TBC1D19: variants seen among roughly 807,000 people sequenced by gnomAD.
TBC1D19 encodes TBC1 domain family, member 19.
In TBC1D19, 60 loss-of-function variants were observed where a neutral mutation model predicts 89.0. The observed-to-expected ratio is 0.67, with a 90% CI of 0.55 to 0.84. The LOEUF is 0.84. Among genes scored for constraint, TBC1D19 ranks in the 40% least tolerant of loss-of-function variants. TBC1D19 has a pLI of 0.00. For missense variants in TBC1D19, 500 were observed against 610.8 expected (o/e 0.82, Z 1.91); for synonymous variants, 189 against 199.7 (o/e 0.95, Z 0.45).
chr4:26,742,472 A>G, intron 17 of TBC1D19, 36 bp from the exon 18 acceptor site: 1 of 1,472,292 alleles, frequency 6.8e-7, no homozygotes, highest in Middle Eastern at 1.8e-4. Context: ...AAATATTAAA[A>G]TATCTATTTC....
At chr4:26,774,207 A>T in the TBC1D19 span, among the ~76,000 whole-genome samples, 2 of 152,326 alleles carry the variant, frequency 1.3e-5, no homozygotes, top group African/African-American at 4.8e-5. Context: ...GGGAAAATAA[A>T]GGGAGGTGGC....
At position 26,737,828 on chromosome 4, in the gene TBC1D19, A is replaced by G. The variant is rs1650200532; in HGVS notation, c.1118-2036A>G. Among the ~76,000 whole-genome samples, 7 of 152,204 alleles carry G rather than the reference A, an allele frequency of 4.6e-5. No homozygotes were observed. The South Asian group carries it at 1.5e-3, about 32-fold the overall frequency. ...ATACTTATCTCTTTTAAACATTGAT[A>G]CAGATCTTTAATGATAGGCTGTCAT... On this transcript the variant is annotated intron_variant, in intron 16 of 20. Transcript: ENST00000264866.
chr4:26,672,264 C>G (rs1712383188), intron 10 of TBC1D19, 77 bp downstream of exon 10: 1 of 1,152,734 alleles, frequency 8.7e-7, no homozygotes, highest in African/African-American at 1.7e-5. Flanking sequence ...CAGATAACCT[C>G]CAGGTGAAAT....
chr4:26,650,684 G>C (rs1474637984), intron 7 of TBC1D19, among the ~76,000 whole-genome samples: 4 of 152,158 alleles, frequency 2.6e-5, no homozygotes, highest in African/African-American at 9.7e-5. Flanking sequence ...TCTGATGGTA[G>C]TTTCTTTTGC....
chr4:26,733,176 C>T (rs75825617), intron 15 of TBC1D19, among the ~76,000 whole-genome samples: 2,626 of 152,274 alleles, frequency 0.017, 65 homozygotes, highest in African/African-American at 0.058. Flanking sequence ...GGCATACCAG[C>T]TCAGAATAAT....
the TBC1D19 span, among the ~76,000 whole-genome samples, chr4:26,797,295 G>A: frequency 0.03 from 4,507 of 151,880 alleles, 228 homozygotes; most frequent in African/African-American, 0.1. Context: ...CTCAATCCCC[G>A]CAGTGGCCAC....
chr4:26,596,945 CTGAT>C (rs1740261705), intron 1 of TBC1D19, among the ~76,000 whole-genome samples: 1 of 152,078 alleles, frequency 6.6e-6, no homozygotes, highest in Non-Finnish European at 1.5e-5. Context: ...GCTTGCTTTG[CTGAT>C]TTGCTTGATT....
chr4:26,579,079 A>G (rs758069831), intron 1 of TBC1D19, among the ~76,000 whole-genome samples: 1 of 152,202 alleles, frequency 6.6e-6, no homozygotes. Context: ...AGCAAATGCC[A>G]CCTAGATAAG....
chr4:26,690,374 A>G (rs367702864), intron 13 of TBC1D19, among the ~76,000 whole-genome samples: 2 of 152,256 alleles, frequency 1.3e-5, no homozygotes, highest in East Asian at 1.9e-4. Flanking sequence ...AGGTGGCTAC[A>G]CTAAACAACA....
intron 13 of TBC1D19, among the ~76,000 whole-genome samples, chr4:26,714,122 G>T (rs1475087983): frequency 6.6e-6 from 1 of 152,074 alleles, no homozygotes; most frequent in East Asian, 1.9e-4. Context: ...GAGGCAGGAG[G>T]ATTACTTGAG....
At chr4:26,821,841 G>A in the TBC1D19 span, among the ~76,000 whole-genome samples, 2 of 152,224 alleles carry the variant, frequency 1.3e-5, no homozygotes, top group Admixed American at 6.5e-5. Flanking sequence ...CTGGTGGCCA[G>A]GCGGACCACT....
At chr4:26,649,449 A>G (rs1744183750) in intron 7 of TBC1D19, among the ~76,000 whole-genome samples, 1 of 152,188 alleles carries the variant, frequency 6.6e-6, no homozygotes, top group African/African-American at 2.4e-5. Flanking sequence ...ATTGTGCAAC[A>G]TCACCACATT....
intron 15 of TBC1D19, among the ~76,000 whole-genome samples, chr4:26,735,038 A>G (rs536947101): frequency 8.6e-5 from 13 of 151,354 alleles, no homozygotes; most frequent in Non-Finnish European, 1.5e-4. Flanking sequence ...ATATATGTAT[A>G]TGTGTACACA....
chr4:26,812,217 G>A, the TBC1D19 span, among the ~76,000 whole-genome samples: 1 of 152,150 alleles, frequency 6.6e-6, no homozygotes, highest in Non-Finnish European at 1.5e-5. The surrounding 1 kb of genome is among the most constrained non-coding windows in gnomAD (Gnocchi z 4.2). Context: ...TAGCCACCTA[G>A]ACTTGGTCCC....
chr4:26,716,041 A>G (rs1716581676), intron 13 of TBC1D19, among the ~76,000 whole-genome samples: 1 of 151,714 alleles, frequency 6.6e-6, no homozygotes, highest in African/African-American at 2.4e-5. Flanking sequence ...AGTGTCACCC[A>G]CTCTTTCTCT....
the TBC1D19 span, among the ~76,000 whole-genome samples, chr4:26,803,726 C>T: frequency 1.3e-5 from 2 of 152,088 alleles, no homozygotes; most frequent in Non-Finnish European, 2.9e-5. Context: ...ACAGATGCAA[C>T]AGATTAGAGA....
At chr4:26,849,786 C>A in the TBC1D19 span, among the ~76,000 whole-genome samples, 1 of 152,212 alleles carries the variant, frequency 6.6e-6, no homozygotes, top group African/African-American at 2.4e-5. Flanking sequence ...ATTATGCCAA[C>A]TTTAAATCCT....
Position 26,637,227 on chromosome 4 carries a change from G to T in TBC1D19, c.311G>T (p.Arg104Ile). The part of the protein sequence containing the change: ...MRKAQGSWEK[R>I]ILKSLNSMCT... The stretch of plus-strand genomic sequence containing the variant: ...ATGTTTCAGGGAAGTTGGGAAAAAA[G>T]AATTTTGAAGAGTTTAAATAGTATG... Residue 104 changes from arginine (R) to isoleucine (I), a missense_variant, in exon 5 of 21, where the codon AGA (arginine) becomes ATA (isoleucine). Arg to Ile is a moderately conservative substitution (Grantham distance 97, BLOSUM62 -3). Around this residue, in one of 2 missense-constraint regions of TBC1D19, gnomAD observed 280 missense variants for 291.7 expected, o/e 0.96. Coordinates refer to ENST00000264866, the MANE Select transcript of TBC1D19 (RefSeq NM_018317.4). The T allele has an allele frequency of 1.2e-6, 2 of 1,606,954 alleles. No homozygotes were observed. Among genetic ancestry groups the T allele is most frequent in the Non-Finnish European group, 1.7e-6 (2 of 1,176,358 alleles).
chr4:26,610,276 GT>G (rs1741281737), intron 1 of TBC1D19, among the ~76,000 whole-genome samples: 1 of 151,980 alleles, frequency 6.6e-6, no homozygotes, highest in Admixed American at 6.6e-5. Flanking sequence ...TTGTTATGGG[GT>G]GAAGGACTTT....
Sources: allele counts gnomAD v4.1 joint callset (sites outside exome capture counted in the v4.1 genomes callset), GRCh38; gene constraint gnomAD v4.1.1; regional missense constraint gnomAD v4.1.1; non-coding constraint Gnocchi (gnomAD v3.1); transcripts MANE v1.5; gene names NCBI Gene and HGNC (gene_info 2026-07-23, HGNC 2026-07-21).